The following TMEM163 variants were observed in gnomAD, a reference collection of about 807,000 sequenced individuals.
The protein encoded by TMEM163 is transmembrane protein 163.
A neutral mutation model predicts 29.3 loss-of-function variants in TMEM163; 17 were observed. The observed-to-expected ratio is 0.58, with a 90% CI of 0.40 to 0.87. TMEM163 has a LOEUF of 0.87. Ranked by LOEUF, TMEM163 falls within the 40% of genes least tolerant of loss-of-function variation. TMEM163 has a pLI of 0.00. For synonymous variants in TMEM163, 157 were observed against 160.6 expected (o/e 0.98, Z 0.17); for missense variants, 303 against 381.5 (o/e 0.79, Z 1.71).
At chr2:134,575,730 G>A (rs934772140) in intron 2 of TMEM163, among the ~76,000 whole-genome samples, 7 of 152,172 alleles carry the variant, frequency 4.6e-5, no homozygotes, top group African/African-American at 1.7e-4. Flanking sequence ...TGGTTTCATG[G>A]AGAGAGAACA....
intron 1 of TMEM163, among the ~76,000 whole-genome samples, chr2:134,716,870 C>T (rs939488515): frequency 6.6e-6 from 1 of 152,214 alleles, no homozygotes; most frequent in Non-Finnish European, 1.5e-5. Flanking sequence ...AAGAATGTCA[C>T]ATTGACGTTC....
chr2:134,699,433 G>A (rs1261986218), intron 2 of TMEM163, among the ~76,000 whole-genome samples: 1 of 152,056 alleles, frequency 6.6e-6, no homozygotes, highest in African/African-American at 2.4e-5. Flanking sequence ...GAACCCAAGA[G>A]GCAGAGGTTG....
intron 4 of TMEM163, among the ~76,000 whole-genome samples, chr2:134,512,274 A>G (rs746773567): frequency 2.0e-4 from 31 of 152,200 alleles, no homozygotes; most frequent in Non-Finnish European, 4.0e-4. Context: ...CCTGGCCAAC[A>G]TGGTGAAACC....
chr2:134,463,265 C>A (rs1473231344), intron 6 of TMEM163, among the ~76,000 whole-genome samples: 1 of 152,228 alleles, frequency 6.6e-6, no homozygotes, highest in African/African-American at 2.4e-5. Context: ...AGGTCCCAAC[C>A]CAAACCCCTG....
chr2:134,490,673 C>T (rs980917338), intron 5 of TMEM163, among the ~76,000 whole-genome samples: 2 of 152,104 alleles, frequency 1.3e-5, no homozygotes, highest in African/African-American at 4.8e-5. Flanking sequence ...ACTTTGGTAA[C>T]AAATACTCAT....
At chr2:134,594,110 T>G (rs1682003088) in intron 2 of TMEM163, among the ~76,000 whole-genome samples, 1 of 152,190 alleles carries the variant, frequency 6.6e-6, no homozygotes, top group Non-Finnish European at 1.5e-5. Context: ...ATGGCAGAAC[T>G]TCCCCACCTT....
intron 2 of TMEM163, among the ~76,000 whole-genome samples, chr2:134,707,415 G>C (rs1684838419): frequency 6.6e-6 from 1 of 152,220 alleles, no homozygotes; most frequent in Non-Finnish European, 1.5e-5. Flanking sequence ...AGAGACTTTA[G>C]GACGGGACAG....
intron 5 of TMEM163, among the ~76,000 whole-genome samples, chr2:134,471,706 T>A (rs1366602601): frequency 6.6e-6 from 1 of 152,146 alleles, no homozygotes; most frequent in Non-Finnish European, 1.5e-5. Context: ...GTGTAGGCTG[T>A]TCCACCACTG....
At chr2:134,638,789 C>T (rs1683164311) in intron 2 of TMEM163, among the ~76,000 whole-genome samples, 1 of 152,140 alleles carries the variant, frequency 6.6e-6, no homozygotes, top group African/African-American at 2.4e-5. Context: ...GACACGGGTG[C>T]CAAAACAACA....
At chr2:134,502,706 C>T (rs898874268) in intron 5 of TMEM163, among the ~76,000 whole-genome samples, 195 bp downstream of exon 5, 10 of 152,196 alleles carry the variant, frequency 6.6e-5, no homozygotes, top group African/African-American at 2.4e-4. Context: ...GCTCACCTAT[C>T]TGGAGTCTCT....
At chr2:134,471,499 TG>T (rs1686802818) in intron 5 of TMEM163, among the ~76,000 whole-genome samples, 1 of 152,230 alleles carries the variant, frequency 6.6e-6, no homozygotes, top group Non-Finnish European at 1.5e-5. Flanking sequence ...ACATTCATTG[TG>T]GACTTCAGTC....
At chr2:134,651,799 G>T (rs1376306749) in intron 2 of TMEM163, among the ~76,000 whole-genome samples, 1 of 120,146 alleles carries the variant, frequency 8.3e-6, no homozygotes, top group Non-Finnish European at 1.6e-5. Flanking sequence ...TATTAAATAG[G>T]GAATCCTTTC....
chr2:134,588,038 C>G (rs1681859580), intron 2 of TMEM163, among the ~76,000 whole-genome samples: 1 of 152,214 alleles, frequency 6.6e-6, no homozygotes, highest in African/African-American at 2.4e-5. Context: ...AGCCAGGTTC[C>G]TACCCAACTT....
intron 3 of TMEM163, 67 bp from the exon 4 acceptor site, chr2:134,550,728 G>C: frequency 1.4e-6 from 2 of 1,444,194 alleles, no homozygotes; most frequent in Non-Finnish European, 1.9e-6. Flanking sequence ...GAAGACACAG[G>C]ACAACTGTGC....
At chr2:134,486,393 ACTT>A (rs956537175) in intron 5 of TMEM163, among the ~76,000 whole-genome samples, 5 of 151,966 alleles carry the variant, frequency 3.3e-5, no homozygotes, top group African/African-American at 1.2e-4. Context: ...CACTTCAAAA[ACTT>A]CTTCGAAAAG....
At chr2:134,617,778 G>A (rs1682641322) in intron 2 of TMEM163, among the ~76,000 whole-genome samples, 1 of 151,942 alleles carries the variant, frequency 6.6e-6, no homozygotes, top group African/African-American at 2.4e-5. Flanking sequence ...AATAAACTAA[G>A]GACCACAATC....
At chr2:134,492,853 G>A (rs1333837696) in intron 5 of TMEM163, among the ~76,000 whole-genome samples, 1 of 152,246 alleles carries the variant, frequency 6.6e-6, no homozygotes, top group Non-Finnish European at 1.5e-5. Flanking sequence ...CATTTCCCTT[G>A]GGTAAATACC....
intron 2 of TMEM163, among the ~76,000 whole-genome samples, chr2:134,677,132 C>A (rs1684132130): frequency 6.6e-6 from 1 of 152,130 alleles, no homozygotes; most frequent in Admixed American, 6.5e-5. Context: ...TTCCGGCGAC[C>A]CTGCTCTTCT....
At chr2:134,462,738 C>G (rs1686574335) in intron 6 of TMEM163, among the ~76,000 whole-genome samples, 1 of 152,218 alleles carries the variant, frequency 6.6e-6, no homozygotes, top group Non-Finnish European at 1.5e-5. Flanking sequence ...AAAGCCAGAA[C>G]AGTGAAGCCT....
Sources: gnomAD v4.1 joint callset for allele counts (sites outside exome capture counted in the v4.1 genomes callset) on GRCh38, gnomAD v4.1.1 for gene constraint, MANE v1.5 for transcripts, NCBI Gene and HGNC (gene_info 2026-07-23, HGNC 2026-07-21) for gene names.